PRDM14: variants seen among roughly 807,000 people sequenced by gnomAD.
PRDM14 encodes the protein PR/SET domain 14.
Under a neutral mutation model 48.0 loss-of-function variants are expected in PRDM14, and 16 were observed. The ratio of observed to expected loss-of-function variants is 0.33; its 90% CI spans 0.23 to 0.51. The LOEUF is 0.51. Among genes scored for constraint, PRDM14 ranks in the 20% least tolerant of loss-of-function variants. The pLI is 0.97. For synonymous variants in PRDM14, 264 were observed against 276.6 expected, an observed-to-expected ratio of 0.95 and a Z score of 0.45; for missense variants, 566 against 719.6, an observed-to-expected ratio of 0.79 and a Z score of 2.44.
At chr8:70,070,440 G>A (rs571566290) in intron 1 of PRDM14, among the ~76,000 whole-genome samples, 1 of 152,304 alleles carries the variant, frequency 6.6e-6, no homozygotes, top group East Asian at 1.9e-4. Context: ...GTCGCACCGC[G>A]CAGATGGAGA....
chr8:70,052,113 T>C lies in PRDM14; in HGVS notation c.1680A>G (p.Thr560=), dbSNP rs1054509085. 4 of 1,611,628 alleles carry C rather than the reference T, an allele frequency of 2.5e-6. No homozygotes were observed. The highest frequency in any genetic ancestry group is 3.4e-6 in the Non-Finnish European group (4 of 1,179,174). The change falls in exon 8 of 8, where the codon ACA becomes ACG. Residue 560 remains threonine (T), a synonymous_variant. Transcript: ENST00000276594. The part of the protein sequence containing the change: ...ICGKIFSDQE[T]FYSHMKFHED... ...CATGAAACTTCATGTGGGAGTAGAA[T>C]GTTTCTTGATCTGAGAAGATTTTCC...
At chr8:70,059,400 T>C (rs942531517) in intron 5 of PRDM14, among the ~76,000 whole-genome samples, 14 of 151,844 alleles carry the variant, frequency 9.2e-5, no homozygotes, top group Non-Finnish European at 2.1e-4. Flanking sequence ...GCCTCCCAAG[T>C]AGCTGGGACT....
At chr8:70,063,554 C>T (rs1490379988) in intron 5 of PRDM14, among the ~76,000 whole-genome samples, 1 of 152,026 alleles carries the variant, frequency 6.6e-6, no homozygotes, top group South Asian at 2.1e-4. Flanking sequence ...GATGGAGTCT[C>T]ACTCTGTCAC....
chr8:70,056,778 C>T (rs1341224771), intron 6 of PRDM14, among the ~76,000 whole-genome samples: 1 of 130,540 alleles, frequency 7.7e-6, no homozygotes, highest in Non-Finnish European at 1.5e-5. Flanking sequence ...GAGATCATGC[C>T]ATTGTACTCT....
At chr8:70,061,490 C>T (rs955035969) in intron 5 of PRDM14, among the ~76,000 whole-genome samples, 2 of 152,166 alleles carry the variant, frequency 1.3e-5, no homozygotes, top group African/African-American at 4.8e-5. Flanking sequence ...ACTGCCAGCC[C>T]CAAGCTGATC....
At chr8:70,058,521 G>T in intron 6 of PRDM14, 119 bp downstream of exon 6, 1 of 793,266 alleles carries the variant, frequency 1.3e-6, no homozygotes, top group Non-Finnish European at 2.1e-6. Flanking sequence ...CCTTCAGAGA[G>T]GGTGTCCGTC....
intron 5 of PRDM14, among the ~76,000 whole-genome samples, chr8:70,063,174 C>G (rs972220373): frequency 1.3e-5 from 2 of 152,124 alleles, no homozygotes; most frequent in African/African-American, 2.4e-5. Context: ...TGTCTCATGC[C>G]TGTTATCCCA....
chr8:70,069,316 G>T lies in PRDM14; in HGVS notation c.545C>A (p.Pro182His). The change falls in exon 2 of 8, where the codon CCC becomes CAC. Residue 182 changes from proline to histidine, a missense_variant. Pro to His is a moderately conservative substitution (Grantham distance 77). Transcript: ENST00000276594. ...CSPSKQSEDG[P>H]KPSNQEGKSP... Reference sequence around the variant, plus strand: ...CTTCCCTTCTTGGTTGGAGGGTTTGGGACCATCCTCTGACTGCTTGCTGGG... The same window carrying T: ...CTTCCCTTCTTGGTTGGAGGGTTTGTGACCATCCTCTGACTGCTTGCTGGG... 2 of 1,611,724 alleles carry T rather than the reference G, an allele frequency of 1.2e-6. No individual in the cohort carries two copies. Among genetic ancestry groups the T allele is most frequent in the Non-Finnish European group, 1.7e-6 (2 of 1,178,842 alleles).
At chr8:70,061,715 T>C (rs769589676) in intron 5 of PRDM14, among the ~76,000 whole-genome samples, 2 of 152,084 alleles carry the variant, frequency 1.3e-5, no homozygotes, top group Non-Finnish European at 2.9e-5. Context: ...CAATACTGAG[T>C]TCGCTTAAGA....
intron 5 of PRDM14, 36 bp downstream of exon 5, chr8:70,066,199 A>T: frequency 6.3e-7 from 1 of 1,599,764 alleles, no homozygotes; most frequent in African/African-American, 1.3e-5. Context: ...TTCTACTGGG[A>T]TGCCCTCATT....
intron 5 of PRDM14, 58 bp from the exon 6 acceptor site, chr8:70,058,900 A>G: frequency 1.5e-6 from 2 of 1,322,546 alleles, no homozygotes; most frequent in Non-Finnish European, 2.1e-6. Context: ...AGTTCCTTCA[A>G]GAGGATATTT....
chr8:70,055,984 C>A (rs777479633), intron 6 of PRDM14, among the ~76,000 whole-genome samples: 4 of 152,194 alleles, frequency 2.6e-5, no homozygotes, highest in Non-Finnish European at 5.9e-5. Context: ...GCCTTCCTCA[C>A]AGAGCTATGA....
chr8:70,052,339 G>C, intron 7 of PRDM14, 35 bp from the exon 8 acceptor site: 1 of 1,532,176 alleles, frequency 6.5e-7, no homozygotes, highest in Non-Finnish European at 8.9e-7. Context: ...ACAAGAAAAA[G>C]TCAACTTCCA....
intron 2 of PRDM14, among the ~76,000 whole-genome samples, chr8:70,068,856 T>C (rs778441175): frequency 3.3e-5 from 5 of 152,144 alleles, no homozygotes; most frequent in Non-Finnish European, 5.9e-5. Context: ...GCTGGGACTG[T>C]TAGGTGTGAA....
chr8:70,065,191 T>C (rs114200731), intron 5 of PRDM14, among the ~76,000 whole-genome samples: 2,042 of 152,120 alleles, frequency 0.013, 55 homozygotes, highest in African/African-American at 0.045. Context: ...CGACCTGAGA[T>C]GAGGTTTTAC....
chr8:70,062,850 C>G (rs182758700), intron 5 of PRDM14, among the ~76,000 whole-genome samples: 12 of 152,094 alleles, frequency 7.9e-5, no homozygotes, highest in Non-Finnish European at 1.6e-4. Context: ...GTGGAAATTC[C>G]CACTTTTGGC....
At chr8:70,053,187 A>C (rs1353130661) in intron 7 of PRDM14, among the ~76,000 whole-genome samples, 2 of 151,548 alleles carry the variant, frequency 1.3e-5, no homozygotes, top group Non-Finnish European at 2.9e-5. Flanking sequence ...AGGAGCCTGC[A>C]TTTAAACAAG....
At position 70,069,435 on chromosome 8, in the gene PRDM14, C is replaced by T; in HGVS notation, c.426G>A (p.Pro142=). Residue 142 remains proline, a synonymous_variant, in exon 2 of 8, where the codon CCG becomes CCA. Coordinates refer to ENST00000276594, the MANE Select transcript of PRDM14 (RefSeq NM_024504.4). ...GAATTAAAGTGTCAGGTCCACAACA[C>T]GGGCCACTCTCGTTGTCGCCACCAA... ...QIIGGDNESG[P]CCGPDTLIPP... is the part of the protein sequence containing the mutation. 1.3e-6 allele frequency: 2 copies of T among 1,590,942 alleles called. No homozygotes were observed. The highest frequency in any genetic ancestry group is 1.7e-6 in the Non-Finnish European group (2 of 1,167,426).
chr8:70,070,305 C>T (rs1167803941), intron 1 of PRDM14, among the ~76,000 whole-genome samples: 1 of 152,198 alleles, frequency 6.6e-6, no homozygotes, highest in African/African-American at 2.4e-5. Flanking sequence ...GTGGGAGCCG[C>T]GGGGCCCTGC....
Sources: allele counts gnomAD v4.1 joint callset (sites outside exome capture counted in the v4.1 genomes callset), GRCh38; gene constraint gnomAD v4.1.1; transcripts MANE v1.5; gene names NCBI Gene and HGNC (gene_info 2026-07-23, HGNC 2026-07-21).